GPR158: variants seen among roughly 807,000 people sequenced by gnomAD.
The protein encoded by GPR158 is G protein-coupled receptor 158.
In GPR158, 30 loss-of-function variants were observed where a neutral mutation model predicts 78.2. That is an observed-to-expected ratio of 0.38 (90% confidence interval 0.29 to 0.52). The LOEUF (loss-of-function observed/expected upper bound fraction) is 0.52. GPR158 is among the 20% of genes least tolerant of loss of function. The probability of loss-of-function intolerance (pLI) is 0.83; values close to 1 mark genes in which losing one functional copy is unlikely to be tolerated. For synonymous variants in GPR158, 581 were observed against 591.1 expected (o/e 0.98, Z 0.25); for missense variants, 1,463 against 1,523.5 (o/e 0.96, Z 0.66).
intron 5 of GPR158, among the ~76,000 whole-genome samples, chr10:25,490,013 T>C (rs999866861): frequency 2.0e-5 from 3 of 152,122 alleles, no homozygotes; most frequent in Non-Finnish European, 2.9e-5. Context: ...TTTTGTATGA[T>C]GAAATGCATA....
At chr10:25,496,259 T>G (rs6482487) in intron 5 of GPR158, among the ~76,000 whole-genome samples, 16,528 of 152,132 alleles carry the variant, frequency 0.11, 1,999 homozygotes, top group East Asian at 0.49. Context: ...GCCTTGGCTG[T>G]GACATGTCCA....
chr10:25,485,801 C>G (rs1202408453), intron 5 of GPR158, among the ~76,000 whole-genome samples: 1 of 152,068 alleles, frequency 6.6e-6, no homozygotes, highest in Non-Finnish European at 1.5e-5. Flanking sequence ...AGTGCTATCA[C>G]TAGGCTTTGG....
At chr10:25,400,508 G>A (rs567153226) in intron 3 of GPR158, among the ~76,000 whole-genome samples, 1 of 152,308 alleles carries the variant, frequency 6.6e-6, no homozygotes, top group Admixed American at 6.5e-5. Context: ...TGTGCTGGCA[G>A]CCCAGAGACC....
intron 2 of GPR158, among the ~76,000 whole-genome samples, chr10:25,248,336 C>G (rs2130716937): frequency 1.3e-5 from 2 of 152,238 alleles, no homozygotes; most frequent in South Asian, 4.1e-4. Context: ...TCCCATTTGT[C>G]AATTTTGTCT....
Position 25,563,589 on chromosome 10 carries a change from G to A in GPR158, c.1515-9060G>A, listed in dbSNP as rs137916749. Among the ~76,000 whole-genome samples, 522 of 151,980 alleles carry A rather than the reference G, an allele frequency of 3.4e-3. 1 individual carries two copies. Among genetic ancestry groups the A allele is most frequent in the African/African-American group, 0.011 (442 of 41,468 alleles). On this transcript the variant is annotated intron_variant, in intron 6 of 10. Transcript: ENST00000376351. ...TCCCTTCTTGTTTATTTTACTACAC[G>A]GTTTGGTTATTTTCTGAGTTGTTGC... is the stretch of plus-strand genomic sequence containing the variant.
In GPR158 at chr10:25,320,285, A is replaced by G. The variant is rs1011391151; in HGVS notation, c.1009-75626A>G. On this transcript the variant is annotated intron_variant, in intron 2 of 10. Transcript: ENST00000376351. ...CTTAATAGTGGACTTTTAATGGTCTATTTATGTTCGGTGCTTCTTGTGACT... is the reference window on the plus strand; with the variant it reads ...CTTAATAGTGGACTTTTAATGGTCTGTTTATGTTCGGTGCTTCTTGTGACT... 3.9e-5 allele frequency among the ~76,000 whole-genome samples: 6 copies of G among 152,214 alleles called. No individual in the cohort carries two copies. The East Asian group carries it at 9.7e-4, about 24-fold the overall frequency.
At chr10:25,431,785 C>T (rs993255635) in intron 4 of GPR158, among the ~76,000 whole-genome samples, 4 of 152,048 alleles carry the variant, frequency 2.6e-5, no homozygotes, top group Non-Finnish European at 5.9e-5. Flanking sequence ...CGCATATTCT[C>T]ACTCATATGT....
intron 2 of GPR158, among the ~76,000 whole-genome samples, chr10:25,285,175 G>A (rs1040537446): frequency 6.6e-6 from 1 of 151,874 alleles, no homozygotes; most frequent in South Asian, 2.1e-4. Flanking sequence ...TTTAGTGTAG[G>A]TATTGTATTA....
At chr10:25,342,472 ACT>A (rs1380289452) in intron 2 of GPR158, among the ~76,000 whole-genome samples, 2 of 151,814 alleles carry the variant, frequency 1.3e-5, no homozygotes, top group African/African-American at 4.8e-5. Context: ...ATTTTTAACA[ACT>A]CTATTATTGT....
chr10:25,236,755 C>G (rs1490074695), intron 2 of GPR158, among the ~76,000 whole-genome samples: 1 of 152,010 alleles, frequency 6.6e-6, no homozygotes, highest in African/African-American at 2.4e-5. Flanking sequence ...ATTGTTTTCT[C>G]CTATGTGCCA....
intron 2 of GPR158, among the ~76,000 whole-genome samples, chr10:25,225,107 A>G (rs2130687811): frequency 6.6e-6 from 1 of 151,816 alleles, no homozygotes; most frequent in African/African-American, 2.4e-5. Context: ...TGTTTTTTAA[A>G]TACCTGTTTC....
chr10:25,404,186 GTTTAAC>G lies in GPR158; in HGVS notation c.1112-8059_1112-8054del, dbSNP rs555772417. Among the ~76,000 whole-genome samples, 50 of 152,188 alleles carry G rather than the reference GTTTAAC, an allele frequency of 3.3e-4. No individual in the cohort carries two copies. The East Asian group carries it at 6.6e-3, about 20-fold the overall frequency. On this transcript the variant is annotated intron_variant, in intron 3 of 10. Transcript: ENST00000376351. ...GAACACTCAATATCAAAAGCTCTGT[GTTTAAC>G]TTTAGTTGCTTTTTGAGCTTTAGAA...
rs5783940 is a variant in GPR158 at position 25,532,740 on chromosome 10, T to TAAAAAA, written c.1405-18228_1405-18223dup. 7.8e-3 allele frequency among the ~76,000 whole-genome samples: 1,160 copies of TAAAAAA among 147,826 alleles called. 24 individuals carry two copies. Among genetic ancestry groups the TAAAAAA allele is most frequent in the African/African-American group, 0.028 (1,119 of 40,108 alleles). ...TATTACAAAAGTGACACATTTGTTG[T>TAAAAAA]AAAAAAAAAAAAATACCAAAGCATA... On this transcript the variant is annotated intron_variant, in intron 5 of 10. Transcript: ENST00000376351.
chr10:25,376,858 T>C (rs1287688693), intron 2 of GPR158, among the ~76,000 whole-genome samples: 1 of 151,634 alleles, frequency 6.6e-6, no homozygotes, highest in African/African-American at 2.4e-5. Flanking sequence ...GAGTCAGCTA[T>C]ATATTTTTAT....
intron 2 of GPR158, among the ~76,000 whole-genome samples, chr10:25,308,506 T>C (rs374178232): frequency 1.3e-5 from 2 of 152,190 alleles, no homozygotes; most frequent in East Asian, 3.9e-4. Context: ...TAGTACCAGA[T>C]TTTTTTTCAT....
At chr10:25,259,437 C>G (rs1853938461) in intron 2 of GPR158, among the ~76,000 whole-genome samples, 1 of 152,098 alleles carries the variant, frequency 6.6e-6, no homozygotes, top group African/African-American at 2.4e-5. Flanking sequence ...ATGTGTTTCT[C>G]AGTTCTTTGT....
In GPR158 at chr10:25,342,172, C is replaced by G. The variant is rs113671653; in HGVS notation, c.1009-53739C>G. On this transcript the variant is annotated intron_variant, in intron 2 of 10. Coordinates refer to ENST00000376351, the MANE Select transcript of GPR158 (RefSeq NM_020752.3). ...AATCACCAAGTTCTTATTTCTTCCA[C>G]TTCACTTTAATCATTAAGCCCTGAA... Among the ~76,000 whole-genome samples, 892 of 152,100 alleles carry G rather than the reference C, an allele frequency of 5.9e-3. 11 individuals carry two copies. The highest frequency in any genetic ancestry group is 0.02 in the African/African-American group (850 of 41,532).
At chr10:25,480,380 A>C (rs568252610) in intron 5 of GPR158, among the ~76,000 whole-genome samples, 72 of 152,324 alleles carry the variant, frequency 4.7e-4, no homozygotes, top group African/African-American at 1.6e-3. Flanking sequence ...TAAATGCAAA[A>C]TTCAGTGGCT....
At chr10:25,260,938 G>T (rs1371900985) in intron 2 of GPR158, among the ~76,000 whole-genome samples, 1 of 152,134 alleles carries the variant, frequency 6.6e-6, no homozygotes, top group Non-Finnish European at 1.5e-5. Context: ...GGCATTTTTA[G>T]TTGTGCTATA....
Sources: gnomAD v4.1 joint callset for allele counts (sites outside exome capture counted in the v4.1 genomes callset) on GRCh38, gnomAD v4.1.1 for gene constraint, MANE v1.5 for transcripts, NCBI Gene and HGNC (gene_info 2026-07-23, HGNC 2026-07-21) for gene names.